SBF2: variants seen among roughly 807,000 people sequenced by gnomAD.
The protein encoded by SBF2 is SET binding factor 2, also known as myotubularin-related protein 13.
In SBF2, 112 loss-of-function variants were observed where a neutral mutation model predicts 225.2. The observed-to-expected ratio is 0.50, with a 90% CI of 0.43 to 0.58. The LOEUF (loss-of-function observed/expected upper bound fraction) is 0.58. Ranked by LOEUF, SBF2 falls within the 20% of genes least tolerant of loss-of-function variation. The pLI is 0.00. For missense variants in SBF2, 1,996 were observed against 2,206.2 expected (o/e 0.90, Z 1.91); for synonymous variants, 763 against 773.3 (o/e 0.99, Z 0.22).
At chr11:10,203,544 C>A (rs1303166126) in intron 1 of SBF2, among the ~76,000 whole-genome samples, 1 of 152,090 alleles carries the variant, frequency 6.6e-6, no homozygotes, top group East Asian at 1.9e-4. Context: ...ATCCAGCAAT[C>A]AAGAGAGTAA....
chr11:9,922,958 A>C (rs936628575), intron 16 of SBF2, among the ~76,000 whole-genome samples: 11 of 152,172 alleles, frequency 7.2e-5, no homozygotes, highest in African/African-American at 2.7e-4. Context: ...GCCCACTAGG[A>C]AACTTTCTCC....
intron 2 of SBF2, among the ~76,000 whole-genome samples, chr11:10,184,037 C>T (rs1351362228): frequency 6.6e-6 from 1 of 152,130 alleles, no homozygotes; most frequent in Non-Finnish European, 1.5e-5. Flanking sequence ...GTGATGGATA[C>T]ACTAATTTGA....
intron 9 of SBF2, among the ~76,000 whole-genome samples, chr11:9,994,593 T>TATATATATATATATATATATGA (rs1481026391): frequency 1.3e-5 from 2 of 149,778 alleles, no homozygotes; most frequent in African/African-American, 4.9e-5. Flanking sequence ...TATATATATA[T>TATATATATATATATATATATGA]GAAAATGAAA....
At chr11:10,087,876 T>G (rs910449471) in intron 2 of SBF2, among the ~76,000 whole-genome samples, 1 of 152,212 alleles carries the variant, frequency 6.6e-6, no homozygotes, top group African/African-American at 2.4e-5. Flanking sequence ...AATTGGTATT[T>G]TGAAACATTT....
intron 1 of SBF2, among the ~76,000 whole-genome samples, chr11:10,234,036 T>C (rs947331071): frequency 2.0e-5 from 3 of 152,224 alleles, no homozygotes; most frequent in African/African-American, 2.4e-5. Context: ...CTAACAGATA[T>C]AATGATTTAA....
At position 9,959,665 on chromosome 11, in the gene SBF2, C is replaced by T. The variant is rs572116542; in HGVS notation, c.1860+2292G>A. ...TCCACACGCTTGGGTTCACTTGCAGCGCAGTCTTGCTTGAGTACCATCGAT... is the reference window on the plus strand; with the variant it reads ...TCCACACGCTTGGGTTCACTTGCAGTGCAGTCTTGCTTGAGTACCATCGAT... On this transcript the variant is annotated intron_variant, in intron 16 of 39. Coordinates refer to ENST00000256190, the MANE Select transcript of SBF2 (RefSeq NM_030962.4). 229 of 742,438 alleles carry T rather than the reference C, an allele frequency of 3.1e-4. 1 individual carries two copies. Among genetic ancestry groups the T allele is most frequent in the African/African-American group, 2.9e-3 (169 of 58,090 alleles). The allele number at this position is 742,438 out of a possible 1,614,324, so 46.0% of individuals were successfully genotyped here. A position where few individuals can be genotyped will look rare whatever the true frequency, so the allele number is the denominator to read the frequency against.
At position 10,150,078 on chromosome 11, in the gene SBF2, T is replaced by C. The variant is rs943505796; in HGVS notation, c.141+43824A>G. ...CACAGAAGAGAGAAAATGGTTATAA[T>C]AGAATAACCACCCAGTCTCTGCCAT... On this transcript the variant is annotated intron_variant, in intron 2 of 39. Transcript: ENST00000256190. 1.4e-4 allele frequency among the ~76,000 whole-genome samples: 21 copies of C among 152,230 alleles called. No homozygotes were observed. The South Asian group carries it at 1.9e-3, about 14-fold the overall frequency.
At position 10,252,984 on chromosome 11, in the gene SBF2, G is replaced by A. The variant is rs191588879; in HGVS notation, c.55+41031C>T. ...ACTGGAGTCTCTGTGAATCTGCTGT[G>A]ATTCTGGGATCTGCCCAGTTAGCAA... On this transcript the variant is annotated intron_variant, in intron 1 of 39. Transcript: ENST00000256190. Among the ~76,000 whole-genome samples the A allele has an allele frequency of 3.4e-3, 518 of 152,112 alleles. 1 individual carries two copies. Among genetic ancestry groups the A allele is most frequent in the Admixed American group, 7.8e-3 (119 of 15,286 alleles).
Position 10,020,099 on chromosome 11 carries a change from C to T in SBF2, c.619+8353G>A, listed in dbSNP as rs1948792132. Among the ~76,000 whole-genome samples, 3 of 152,052 alleles carry T rather than the reference C, an allele frequency of 2.0e-5. No individual in the cohort carries two copies. In the South Asian group the frequency reaches 6.2e-4, roughly 32 times the overall value. ...ATGGTCAGGTAAGTTGTTAAACTCT[C>T]TCTCTAAAATAATAATTGGTCACAG... On this transcript the variant is annotated intron_variant, in intron 6 of 39. Coordinates refer to ENST00000256190, the MANE Select transcript of SBF2 (RefSeq NM_030962.4).
rs1288785842 is a variant in SBF2, at chr11:9,869,820, C to G, written c.1930-11424G>C. Among the ~76,000 whole-genome samples, 5 of 152,244 alleles carry G rather than the reference C, an allele frequency of 3.3e-5. No homozygotes were observed. In the South Asian group the frequency reaches 6.2e-4, roughly 19 times the overall value. On this transcript the variant is annotated intron_variant, in intron 17 of 39. Transcript: ENST00000256190. ...ACAAAGATGCCCTCTCTCACAACTC[C>G]TATTCAACACAGTATTGGAAGTTCT...
intron 23 of SBF2, among the ~76,000 whole-genome samples, chr11:9,846,258 C>T (rs144198725): frequency 5.9e-4 from 90 of 152,292 alleles, no homozygotes; most frequent in African/African-American, 2.1e-3. Flanking sequence ...GATCAGCAGC[C>T]TTACATTTCA....
intron 2 of SBF2, among the ~76,000 whole-genome samples, chr11:10,185,129 C>A (rs1187513354): frequency 6.6e-6 from 1 of 150,954 alleles, no homozygotes; most frequent in Non-Finnish European, 1.5e-5. Flanking sequence ...TGTGTGTGTG[C>A]GTGCACACGT....
intron 1 of SBF2, among the ~76,000 whole-genome samples, chr11:10,243,611 G>T (rs1959456585): frequency 6.6e-6 from 1 of 151,752 alleles, no homozygotes; most frequent in Non-Finnish European, 1.5e-5. Flanking sequence ...ATCAGAAATG[G>T]AAGAAGAGAC....
At chr11:10,230,804 C>G (rs1412833280) in intron 1 of SBF2, among the ~76,000 whole-genome samples, 1 of 152,102 alleles carries the variant, frequency 6.6e-6, no homozygotes, top group Non-Finnish European at 1.5e-5. Context: ...TTGCTCTTCT[C>G]AAGGAGTATC....
In SBF2 at chr11:9,853,532, G is replaced by A; in HGVS notation, c.2536+8C>T. ...ATTCTGATTCTCTAATATCTGCAGAGTGATTACCTGGTATCATGCAATGAA... is the reference window on the plus strand; with the variant it reads ...ATTCTGATTCTCTAATATCTGCAGAATGATTACCTGGTATCATGCAATGAA... On this transcript the variant is annotated splice_region_variant and intron_variant, in intron 20 of 39. Coordinates refer to ENST00000256190, the MANE Select transcript of SBF2 (RefSeq NM_030962.4). 1 of 1,611,848 alleles carries A rather than the reference G, an allele frequency of 6.2e-7. No homozygotes were observed. Among genetic ancestry groups the A allele is most frequent in the East Asian group, 2.2e-5 (1 of 44,838 alleles).
At chr11:9,897,664 C>T (rs1440324412) in intron 16 of SBF2, among the ~76,000 whole-genome samples, 1 of 152,160 alleles carries the variant, frequency 6.6e-6, no homozygotes, top group Admixed American at 6.6e-5. Flanking sequence ...AAAGCCCTGA[C>T]CTTAGACAAT....
intron 1 of SBF2, among the ~76,000 whole-genome samples, chr11:10,288,586 G>C (rs980447190): frequency 2.0e-5 from 3 of 152,096 alleles, no homozygotes; most frequent in African/African-American, 7.2e-5. Context: ...TCTCAGCAGA[G>C]AGGTCCTAGA....
intron 17 of SBF2, among the ~76,000 whole-genome samples, chr11:9,879,037 G>GT (rs1186560066): frequency 6.6e-6 from 1 of 152,184 alleles, no homozygotes; most frequent in East Asian, 1.9e-4. Context: ...GGTACAAAAT[G>GT]TTTGCACTTT....
At chr11:10,028,587 C>T (rs1361527278) in intron 5 of SBF2, 30 bp from the exon 6 acceptor site, 3 of 1,355,688 alleles carry the variant, frequency 2.2e-6, no homozygotes, top group Non-Finnish European at 3.2e-6. Context: ...CAAACACACA[C>T]ACACACGATT....
Sources: allele counts gnomAD v4.1 joint callset (sites outside exome capture counted in the v4.1 genomes callset), GRCh38; gene constraint gnomAD v4.1.1; transcripts MANE v1.5; gene names NCBI Gene and HGNC (gene_info 2026-07-23, HGNC 2026-07-21).